CACNA1A: variants seen among roughly 807,000 people sequenced by gnomAD.
The protein encoded by CACNA1A is calcium voltage-gated channel subunit alpha1 A, also known as voltage-dependent P/Q-type calcium channel subunit alpha-1A.
A neutral mutation model predicts 262.4 loss-of-function variants in CACNA1A; 57 were observed. The ratio of observed to expected loss-of-function variants is 0.22; its 90% CI spans 0.18 to 0.27. The LOEUF is 0.27. Ranked by LOEUF, CACNA1A falls within the 10% of genes least tolerant of loss-of-function variation. The pLI is 1.00. For synonymous variants in CACNA1A, 1,431 were observed against 1,419.3 expected (o/e 1.01, Z -0.18); for missense variants, 2,526 against 3,562.8 (o/e 0.71, Z 7.41).
chr19:13,506,134 G>T lies in CACNA1A; in HGVS notation c.91C>A (p.Arg31=). 6.3e-7 allele frequency: 1 copy of T among 1,592,874 alleles called. No homozygotes were observed. Among genetic ancestry groups the T allele is most frequent in the South Asian group, 1.1e-5 (1 of 88,794 alleles). ...AGVVVGSGGG[R]GAGGSRQGGQ... is the part of the protein sequence containing the mutation. ...CCCTGCCGGCTGCCCCCGGCTCCTC[G>T]CCCGCCTCCGCTGCCCACGACCACC... is the stretch of plus-strand genomic sequence containing the variant. The change falls in exon 1 of 47, where the codon CGA becomes AGA. Residue 31 remains arginine, a synonymous_variant. Transcript: ENST00000360228.
At chr19:13,305,049 G>T (rs116424623) in intron 15 of CACNA1A, among the ~76,000 whole-genome samples, 2,733 of 152,330 alleles carry the variant, frequency 0.018, 85 homozygotes, top group African/African-American at 0.063. Flanking sequence ...GGGTTCGGGT[G>T]CAAGTGGTTT....
rs2144489670 is a variant in CACNA1A at position 13,207,540 on chromosome 19, C to T, written c.7294G>A (p.Gly2432Arg). 7 of 1,447,042 alleles carry T rather than the reference C, an allele frequency of 4.8e-6. No individual in the cohort carries two copies. Among genetic ancestry groups the T allele is most frequent in the South Asian group, 1.3e-5 (1 of 76,378 alleles). 89.6% of individuals were successfully genotyped at this position (1,447,042 alleles called of 1,614,324 possible). ...ACGGGGGGTGGCGCGTCGTAGGCCC[C>T]GGCCATGGCCTCCTCGCCGCCCCCG... ...GSGGGEEAMA[G>R]AYDAPPPVRH... Residue 2432 changes from glycine to arginine, a missense_variant, in exon 47 of 47, where the codon GGG becomes AGG. Coordinates refer to ENST00000360228, the MANE Select transcript of CACNA1A (RefSeq NM_001127222.2). This position sits in a 1 kb window ranked among gnomAD's most constrained non-coding sequence, Gnocchi z 5.7.
chr19:13,210,580 G>T, intron 44 of CACNA1A, 37 bp downstream of exon 44: 1 of 1,543,504 alleles, frequency 6.5e-7, no homozygotes, highest in Non-Finnish European at 8.8e-7. Flanking sequence ...AGAGGGGGCC[G>T]GAGCCCTGCT....
chr19:13,461,052 T>G (rs1223915625), intron 1 of CACNA1A, among the ~76,000 whole-genome samples: 1 of 151,894 alleles, frequency 6.6e-6, no homozygotes, highest in Non-Finnish European at 1.5e-5. Flanking sequence ...AAAACACCAG[T>G]GGAAGGGCCT....
intron 38 of CACNA1A, among the ~76,000 whole-genome samples, chr19:13,218,072 G>A (rs1463471092): frequency 1.3e-5 from 2 of 151,530 alleles, no homozygotes; most frequent in South Asian, 2.1e-4. Flanking sequence ...CACTGTACCC[G>A]GCCAATACAG....
At chr19:13,238,334 C>CGT (rs1401978508) in intron 31 of CACNA1A, among the ~76,000 whole-genome samples, 2 of 152,112 alleles carry the variant, frequency 1.3e-5, no homozygotes, top group Non-Finnish European at 2.9e-5. Context: ...ATGAGGACAG[C>CGT]GTCCTTGTGG....
At chr19:13,367,608 GT>G (rs2059239851) in intron 4 of CACNA1A, among the ~76,000 whole-genome samples, 1 of 140,518 alleles carries the variant, frequency 7.1e-6, no homozygotes, top group African/African-American at 2.5e-5. Flanking sequence ...GGCACCTGTA[GT>G]CCTGGCTACT....
intron 1 of CACNA1A, among the ~76,000 whole-genome samples, chr19:13,501,047 G>C (rs140402260): frequency 1.6e-4 from 24 of 152,218 alleles, no homozygotes; most frequent in African/African-American, 5.8e-4. Flanking sequence ...TGACTCAAGA[G>C]GGGCACTGTG....
At chr19:13,262,639 T>G in intron 25 of CACNA1A, 95 bp downstream of exon 25, 1 of 741,826 alleles carries the variant, frequency 1.3e-6, no homozygotes, top group South Asian at 1.5e-5. Context: ...GCACCTCCTT[T>G]AATGTGTTGT....
chr19:13,501,220 CA>C (rs1982339787), intron 1 of CACNA1A, among the ~76,000 whole-genome samples: 1 of 149,416 alleles, frequency 6.7e-6, no homozygotes. Flanking sequence ...GACAGAGTCT[CA>C]AAAAAAAGTA....
intron 9 of CACNA1A, among the ~76,000 whole-genome samples, chr19:13,331,921 A>G (rs2058475810): frequency 1.3e-5 from 2 of 152,082 alleles, no homozygotes; most frequent in South Asian, 4.1e-4. Context: ...TGGCCTCCCA[A>G]AGTGTTGGGA....
rs1487500025 is a variant in CACNA1A at position 13,384,183 on chromosome 19, G to A, written c.540-12404C>T. Among the ~76,000 whole-genome samples, 6 of 152,178 alleles carry A rather than the reference G, an allele frequency of 3.9e-5. No homozygotes were observed. In the South Asian group the frequency reaches 6.2e-4, roughly 16 times the overall value. On this transcript the variant is annotated intron_variant, in intron 3 of 46. Coordinates refer to ENST00000360228, the MANE Select transcript of CACNA1A (RefSeq NM_001127222.2). ...AGAATGTCAGCTCCACGAGGACAGG[G>A]GCTTTTTTTGTATAGCATCTTTCAT... is the stretch of plus-strand genomic sequence containing the variant.
At chr19:13,244,808 G>A (rs1189466964) in intron 31 of CACNA1A, 1 of 214,586 alleles carries the variant, frequency 4.7e-6, no homozygotes, top group African/African-American at 2.3e-5. Flanking sequence ...GAATTGACTT[G>A]AAACCCATTC....
chr19:13,463,292 C>A (rs1488788955), intron 1 of CACNA1A, among the ~76,000 whole-genome samples: 1 of 152,130 alleles, frequency 6.6e-6, no homozygotes, highest in African/African-American at 2.4e-5. Flanking sequence ...CCCTCATAAG[C>A]CCATCTCAAG....
At chr19:13,399,708 A>C (rs1168437724) in intron 3 of CACNA1A, among the ~76,000 whole-genome samples, 8 of 151,698 alleles carry the variant, frequency 5.3e-5, no homozygotes, top group Non-Finnish European at 8.8e-5. Flanking sequence ...ACCAACCTCC[A>C]CCTTTCTTTT....
Position 13,212,046 on chromosome 19 carries a change from G to A in CACNA1A, c.6303+57C>T. The A allele has an allele frequency of 7.8e-7, 1 of 1,284,232 alleles. No homozygotes were observed. The highest frequency in any genetic ancestry group is 2.3e-5 in the East Asian group (1 of 43,146). 79.6% of individuals were successfully genotyped at this position (1,284,232 alleles called of 1,614,324 possible). On this transcript the variant is annotated intron_variant, in intron 43 of 46. Coordinates refer to ENST00000360228, the MANE Select transcript of CACNA1A (RefSeq NM_001127222.2). This position sits in a 1 kb window ranked among gnomAD's most constrained non-coding sequence, Gnocchi z 5.6. Reference sequence around the variant, plus strand: ...ACTGGGCTGCTTGTGGGGGGGCCTGGCCCTACCCAGTGCAGAGTGAGGGGT... The same window carrying A: ...ACTGGGCTGCTTGTGGGGGGGCCTGACCCTACCCAGTGCAGAGTGAGGGGT...
At chr19:13,235,779 T>C (rs1482259950) in intron 31 of CACNA1A, 49 bp from the exon 32 acceptor site, 6 of 1,355,700 alleles carry the variant, frequency 4.4e-6, no homozygotes, top group Non-Finnish European at 6.3e-6. Flanking sequence ...CCCAAAAGGC[T>C]CAGAGCTGTC....
intron 24 of CACNA1A, among the ~76,000 whole-genome samples, chr19:13,266,080 G>A (rs1356437573): frequency 1.3e-5 from 2 of 152,180 alleles, no homozygotes; most frequent in Non-Finnish European, 2.9e-5. Context: ...CCGACCTCAA[G>A]TGATCCACCT....
At chr19:13,498,157 A>G (rs1981911719) in intron 1 of CACNA1A, among the ~76,000 whole-genome samples, 1 of 152,048 alleles carries the variant, frequency 6.6e-6, no homozygotes, top group African/African-American at 2.4e-5. Flanking sequence ...AATAAAGATC[A>G]TGGAGATAAA....
Sources: allele counts gnomAD v4.1 joint callset (sites outside exome capture counted in the v4.1 genomes callset), GRCh38; gene constraint gnomAD v4.1.1; non-coding constraint Gnocchi (gnomAD v3.1); transcripts MANE v1.5; gene names NCBI Gene and HGNC (gene_info 2026-07-23, HGNC 2026-07-21).